The following DMD variants were observed in gnomAD, a reference collection of about 807,000 sequenced individuals.
The protein encoded by DMD is mutant dystrophin.
Under a neutral mutation model 330.1 loss-of-function variants are expected in DMD, and 63 were observed. The ratio of observed to expected loss-of-function variants is 0.19; its 90% CI spans 0.16 to 0.24. The LOEUF (loss-of-function observed/expected upper bound fraction) is 0.24. DMD is among the 10% of genes least tolerant of loss of function. The pLI is 1.00. For synonymous variants in DMD, 1,223 were observed against 959.8 expected, an observed-to-expected ratio of 1.27 and a Z score of -5.07; for missense variants, 3,344 against 2,684.1, an observed-to-expected ratio of 1.25 and a Z score of -5.43.
At chrX:32,037,786 T>C (rs1228954819) in intron 44 of DMD, among the ~76,000 whole-genome samples, 1 of 112,189 alleles carries the variant, frequency 8.9e-6, no homozygotes. Flanking sequence ...TTAATTTCAA[T>C]GATGTTATCA....
intron 7 of DMD, among the ~76,000 whole-genome samples, chrX:32,802,281 G>C (rs997160067): frequency 9.0e-6 from 1 of 111,464 alleles, no homozygotes; most frequent in African/African-American, 3.3e-5. Context: ...ATTGTAAATG[G>C]GAGTTCACTC....
At chrX:31,408,905 A>G (rs922333336) in intron 60 of DMD, among the ~76,000 whole-genome samples, 3 of 111,386 alleles carry the variant, frequency 2.7e-5, no homozygotes, top group Non-Finnish European at 5.6e-5. Context: ...ATTTAGCGTT[A>G]CGTATATCTC....
At chrX:31,819,581 G>A (rs1393124820) in intron 50 of DMD, among the ~76,000 whole-genome samples, 1 of 112,953 alleles carries the variant, frequency 8.9e-6, no homozygotes, top group African/African-American at 3.2e-5. Flanking sequence ...CCAATGGCTG[G>A]CTGGATCAGG....
rs1394724423 is a variant in DMD at position 32,573,808 on chromosome X, T to C, written c.1641A>G (p.Thr547=). 4 of 1,210,065 alleles carry C rather than the reference T, an allele frequency of 3.3e-6. No homozygotes were observed. In the East Asian group the frequency reaches 8.9e-5, roughly 27 times the overall value. The change falls in exon 14 of 79, where the codon ACA becomes ACG. Residue 547 remains threonine, a synonymous_variant. Transcript: ENST00000357033. ...CTTGTAAAAGAACCCAGCGGTCTTCTGTCCATCTACAGATGTTTGCCCATC... is the reference window on the plus strand; with the variant it reads ...CTTGTAAAAGAACCCAGCGGTCTTCCGTCCATCTACAGATGTTTGCCCATC... ...GDRWANICRW[T]EDRWVLLQDI...
chrX:33,057,294 AG>A (rs751200741), intron 1 of DMD, among the ~76,000 whole-genome samples: 93 of 111,994 alleles, frequency 8.3e-4, no homozygotes, highest in African/African-American at 2.9e-3. Context: ...ACTTGATTAA[AG>A]CCACATCCAC....
chrX:32,080,406 T>A (rs2096383253), intron 44 of DMD, among the ~76,000 whole-genome samples: 1 of 112,384 alleles, frequency 8.9e-6, no homozygotes, highest in South Asian at 3.6e-4. Flanking sequence ...GCTAACTGCA[T>A]ATTAAAAACA....
intron 7 of DMD, among the ~76,000 whole-genome samples, chrX:32,772,264 T>A (rs1451443123): frequency 8.9e-6 from 1 of 112,862 alleles, no homozygotes; most frequent in African/African-American, 3.2e-5. Context: ...TCCCACAAGA[T>A]GAATCTCCTT....
Position 32,001,020 on chromosome X carries a change from G to A in DMD, c.6439-32506C>T, listed in dbSNP as rs1369150757. ...TACAGTGAACCAATGAATAAATCTTGTTATTATTACCACTGACACTGCCAT... is the reference window on the plus strand; with the variant it reads ...TACAGTGAACCAATGAATAAATCTTATTATTATTACCACTGACACTGCCAT... On this transcript the variant is annotated intron_variant, in intron 44 of 78. Coordinates refer to ENST00000357033, the MANE Select transcript of DMD (RefSeq NM_004006.3). Among the ~76,000 whole-genome samples the A allele has an allele frequency of 2.7e-5, 3 of 110,966 alleles. No homozygotes were observed. The East Asian group carries it at 8.6e-4, about 32-fold the overall frequency.
At chrX:31,883,072 T>A (rs1472063353) in intron 47 of DMD, among the ~76,000 whole-genome samples, 1 of 111,796 alleles carries the variant, frequency 8.9e-6, no homozygotes, top group Non-Finnish European at 1.9e-5. Flanking sequence ...CAGCCCAATG[T>A]CCATTGATTA....
Position 32,776,793 on chromosome X carries a change from T to C in DMD, c.649+32700A>G, listed in dbSNP as rs2074197254. On this transcript the variant is annotated intron_variant, in intron 7 of 78. Transcript: ENST00000357033. ...TTGTTTCCAATACAATGAGAAATTT[T>C]CCCTAAGTTTTTCTATTTGTGACAC... is the stretch of plus-strand genomic sequence containing the variant. Among the ~76,000 whole-genome samples, 5 of 112,016 alleles carry C rather than the reference T, an allele frequency of 4.5e-5. No homozygotes were observed. The South Asian group carries it at 1.9e-3, about 42-fold the overall frequency.
At chrX:32,344,647 T>C (rs1336970175) in intron 39 of DMD, among the ~76,000 whole-genome samples, 2 of 111,417 alleles carry the variant, frequency 1.8e-5, no homozygotes, top group Non-Finnish European at 3.8e-5. Flanking sequence ...AAGGGCTTGG[T>C]GGTCATCAAT....
rs763869602 is a variant in DMD, at chrX:32,242,350, C to T, written c.6291-25287G>A. ...AAGTAATGATCAGTCTCATCACTCC[C>T]CTCCTTTAAACTTCAGTGTCCTTGG... is the stretch of plus-strand genomic sequence containing the variant. On this transcript the variant is annotated intron_variant, in intron 43 of 78. Coordinates refer to ENST00000357033, the MANE Select transcript of DMD (RefSeq NM_004006.3). Among the ~76,000 whole-genome samples, 64 of 111,798 alleles carry T rather than the reference C, an allele frequency of 5.7e-4. 1 individual carries two copies. The highest frequency in any genetic ancestry group is 4.6e-3 in the Middle Eastern group (1 of 218).
intron 44 of DMD, among the ~76,000 whole-genome samples, chrX:32,205,063 T>G (rs1307147493): frequency 2.9e-5 from 2 of 68,526 alleles, no homozygotes; most frequent in Non-Finnish European, 5.5e-5. Flanking sequence ...ACAGTCGCAA[T>G]TAAAACAAAA....
At chrX:32,676,241 T>C (rs1281816925) in intron 9 of DMD, among the ~76,000 whole-genome samples, 1 of 111,255 alleles carries the variant, frequency 9.0e-6, no homozygotes, top group African/African-American at 3.3e-5. Context: ...GTTGAAGCAA[T>C]AGAGCCCTTT....
intron 2 of DMD, among the ~76,000 whole-genome samples, chrX:32,901,700 C>G (rs186025845): frequency 9.1e-6 from 1 of 110,423 alleles, no homozygotes; most frequent in African/African-American, 3.3e-5. Context: ...GGTAGCACTA[C>G]TAATAATATT....
intron 46 of DMD, among the ~76,000 whole-genome samples, chrX:31,931,346 C>A (rs2094849598): frequency 9.1e-6 from 1 of 109,720 alleles, no homozygotes; most frequent in Admixed American, 9.9e-5. Flanking sequence ...AAAGTTAATC[C>A]AATTGCACAA....
At chrX:32,857,167 T>TG (rs1815434513) in intron 2 of DMD, among the ~76,000 whole-genome samples, 1 of 112,270 alleles carries the variant, frequency 8.9e-6, no homozygotes, top group Admixed American at 9.4e-5. Context: ...CTGATATGAT[T>TG]ATGCTTCGCA....
intron 63 of DMD, among the ~76,000 whole-genome samples, chrX:31,250,801 C>T (rs1375643437): frequency 6.3e-5 from 7 of 111,249 alleles, no homozygotes; most frequent in African/African-American, 1.6e-4. Flanking sequence ...ACCACCACCG[C>T]GGCTGGGTGC....
At chrX:32,248,574 G>T (rs1160841010) in intron 43 of DMD, among the ~76,000 whole-genome samples, 2 of 103,599 alleles carry the variant, frequency 1.9e-5, no homozygotes, top group Non-Finnish European at 3.9e-5. Flanking sequence ...TTTCTATTAG[G>T]ATACTAATTA....
Sources: allele counts gnomAD v4.1 joint callset (sites outside exome capture counted in the v4.1 genomes callset), GRCh38; gene constraint gnomAD v4.1.1; transcripts MANE v1.5; gene names NCBI Gene and HGNC (gene_info 2026-07-23, HGNC 2026-07-21).